Variants in SLA observed in about 807,000 individuals in gnomAD.
SLA encodes Src like adaptor, also known as src-like-adapter.
SLA carries 16 observed loss-of-function variants against 30.3 expected under a neutral mutation model. The observed-to-expected ratio is 0.53, with a 90% CI of 0.36 to 0.80. The LOEUF is 0.80. Among genes scored for constraint, SLA ranks in the 30% least tolerant of loss-of-function variants. SLA has a pLI of 0.01. For synonymous variants in SLA, 143 were observed against 137.8 expected, an observed-to-expected ratio of 1.04 and a Z score of -0.26; for missense variants, 310 against 345.2, an observed-to-expected ratio of 0.90 and a Z score of 0.81.
intron 1 of SLA, among the ~76,000 whole-genome samples, chr8:133,097,171 C>T (rs1019954890): frequency 3.3e-5 from 5 of 152,174 alleles, no homozygotes; most frequent in African/African-American, 1.2e-4. Context: ...TCTCTGTTGG[C>T]TCTGTTGAAT....
At chr8:133,053,658 A>G (rs1031362438) in intron 3 of SLA, among the ~76,000 whole-genome samples, 32 of 152,238 alleles carry the variant, frequency 2.1e-4, no homozygotes, top group African/African-American at 7.5e-4. Flanking sequence ...TTCAAGATTA[A>G]GACTGTGGAA....
intron 2 of SLA, among the ~76,000 whole-genome samples, chr8:133,070,431 A>G (rs551686487): frequency 6.6e-6 from 1 of 152,332 alleles, no homozygotes; most frequent in African/African-American, 2.4e-5. Context: ...CGGAGGGCCT[A>G]AAGGAGATGT....
At chr8:133,091,887 CTCTA>C (rs541809779) in intron 1 of SLA, among the ~76,000 whole-genome samples, 107 of 151,794 alleles carry the variant, frequency 7.0e-4, no homozygotes, top group African/African-American at 2.4e-3. Context: ...GTGAGTGTGT[CTCTA>C]TCTATGACTG....
intron 1 of SLA, among the ~76,000 whole-genome samples, chr8:133,088,710 G>T (rs1188244039): frequency 5.9e-5 from 9 of 152,288 alleles, no homozygotes; most frequent in South Asian, 2.1e-4. Flanking sequence ...CTACATTTCA[G>T]ATTGTCTCCT....
At chr8:133,095,131 C>G (rs946628708) in intron 1 of SLA, 1 of 1,614,076 alleles carries the variant, frequency 6.2e-7, no homozygotes, top group African/African-American at 1.3e-5. Flanking sequence ...GGTCAGTTGC[C>G]CCATGTCATC....
At chr8:133,080,132 G>C (rs969506721) in intron 1 of SLA, among the ~76,000 whole-genome samples, 3 of 152,236 alleles carry the variant, frequency 2.0e-5, no homozygotes, top group East Asian at 3.9e-4. Context: ...AATGAGTCCA[G>C]AGTGACTCTG....
At position 133,078,247 on chromosome 8, in the gene SLA, A is replaced by G. The variant is rs540569423; in HGVS notation, c.-318-3117T>C. ...GGAATTAGGGCTTGGAAGCTACAGT[A>G]TGGGCAGCCTGTGAGCTGCATCTTA... On this transcript the variant is annotated intron_variant, in intron 1 of 8. Transcript: ENST00000338087. 1.2e-4 allele frequency among the ~76,000 whole-genome samples: 19 copies of G among 152,304 alleles called. 1 individual carries two copies. Among genetic ancestry groups the G allele is most frequent in the South Asian group, 1.0e-3 (5 of 4,830 alleles).
intron 7 of SLA, among the ~76,000 whole-genome samples, chr8:133,042,726 C>T (rs542834003): frequency 1.0e-3 from 108 of 107,854 alleles, no homozygotes; most frequent in African/African-American, 3.8e-3. Context: ...TGGAGTCTTG[C>T]TCTGCCACAC....
intron 1 of SLA, among the ~76,000 whole-genome samples, chr8:133,081,403 G>T (rs1464547235): frequency 6.6e-6 from 1 of 152,204 alleles, no homozygotes; most frequent in Non-Finnish European, 1.5e-5. Flanking sequence ...AAAACCATCT[G>T]GGGGGAGAGC....
intron 1 of SLA, among the ~76,000 whole-genome samples, chr8:133,082,469 T>C (rs1038966329): frequency 4.6e-5 from 7 of 152,180 alleles, no homozygotes; most frequent in Non-Finnish European, 8.8e-5. Context: ...CCCTGCAGCA[T>C]TGGGCACATA....
chr8:133,045,206 AC>A (rs1395832107), intron 6 of SLA, 91 bp from the exon 7 acceptor site: 1 of 1,346,684 alleles, frequency 7.4e-7, no homozygotes, highest in African/African-American at 1.4e-5. Flanking sequence ...AGGCAGGGAG[AC>A]CTGCCCACCC....
chr8:133,079,358 G>A (rs872643), intron 1 of SLA, among the ~76,000 whole-genome samples: 39,043 of 152,242 alleles, frequency 0.26, 5,323 homozygotes, highest in African/African-American at 0.31. Context: ...AGGATTGAGA[G>A]TCACTCAGTT....
At chr8:133,084,357 T>C (rs1846196934) in intron 1 of SLA, among the ~76,000 whole-genome samples, 1 of 152,208 alleles carries the variant, frequency 6.6e-6, no homozygotes, top group Admixed American at 6.5e-5. Flanking sequence ...GATGAAATTA[T>C]TTTTAAAAGG....
intron 2 of SLA, among the ~76,000 whole-genome samples, chr8:133,067,809 A>AAAGAAAGG (rs1843244656): frequency 6.7e-6 from 1 of 149,936 alleles, no homozygotes; most frequent in African/African-American, 2.5e-5. Flanking sequence ...AGAAAGAAAG[A>AAAGAAAGG]AAGGAAGGAA....
At chr8:133,085,212 T>A (rs1192406442) in intron 1 of SLA, among the ~76,000 whole-genome samples, 1 of 152,220 alleles carries the variant, frequency 6.6e-6, no homozygotes, top group Non-Finnish European at 1.5e-5. Flanking sequence ...CAGTCCATTG[T>A]AAAAACAAGT....
intron 1 of SLA, among the ~76,000 whole-genome samples, chr8:133,097,346 T>G (rs1235875008): frequency 1.3e-5 from 2 of 152,246 alleles, no homozygotes; most frequent in Non-Finnish European, 2.9e-5. Context: ...ACAAGAGTAT[T>G]TATTGCATTG....
intron 1 of SLA, among the ~76,000 whole-genome samples, chr8:133,075,373 C>T (rs1220148397): frequency 1.3e-5 from 2 of 151,996 alleles, no homozygotes; most frequent in African/African-American, 2.4e-5. Context: ...CTGTTACTGC[C>T]GAATGGACCC....
intron 1 of SLA, among the ~76,000 whole-genome samples, chr8:133,076,965 A>T (rs890210742): frequency 6.6e-6 from 1 of 152,126 alleles, no homozygotes; most frequent in African/African-American, 2.4e-5. Context: ...GTCCTATGGG[A>T]AAGACTGAAT....
intron 3 of SLA, among the ~76,000 whole-genome samples, chr8:133,058,704 C>T (rs1026908780): frequency 6.6e-6 from 1 of 152,222 alleles, no homozygotes; most frequent in African/African-American, 2.4e-5. Flanking sequence ...GCAGCTCAGC[C>T]ACCCTGCACG....
Sources: allele counts gnomAD v4.1 joint callset (sites outside exome capture counted in the v4.1 genomes callset), GRCh38; gene constraint gnomAD v4.1.1; transcripts MANE v1.5; gene names NCBI Gene and HGNC (gene_info 2026-07-23, HGNC 2026-07-21).